The following ATP6V0D1 variants were observed in gnomAD, a reference collection of about 807,000 sequenced individuals.
ATP6V0D1 encodes the protein ATPase H+ transporting V0 subunit d1, also known as V-type proton ATPase subunit d 1.
Under a neutral mutation model 39.0 loss-of-function variants are expected in ATP6V0D1, and 13 were observed. The ratio of observed to expected loss-of-function variants is 0.33; its 90% confidence interval spans 0.22 to 0.53. The LOEUF (loss-of-function observed/expected upper bound fraction) is 0.53. Among genes scored for constraint, ATP6V0D1 ranks in the 20% least tolerant of loss-of-function variants. The pLI, the probability that ATP6V0D1 is intolerant of heterozygous loss-of-function variation, is 0.94. For missense variants in ATP6V0D1, 272 were observed against 470.9 expected (o/e 0.58, Z 3.91); for synonymous variants, 191 against 191.2 (o/e 1.00, Z 0.01).
rs147524322 is a variant in ATP6V0D1, at chr16:67,446,811, G to A, written c.303-2105C>T. On this transcript the variant is annotated intron_variant, in intron 2 of 7. Coordinates refer to ENST00000290949, the MANE Select transcript of ATP6V0D1 (RefSeq NM_004691.5). ...CTTTCTTATGCTCTCCCTCCCTTTC[G>A]GACGGGAAGAGGGAGAAAAAGCACA... Among the ~76,000 whole-genome samples, 19 of 152,050 alleles carry A rather than the reference G, an allele frequency of 1.2e-4. No individual in the cohort carries two copies. In the East Asian group the frequency reaches 1.4e-3, roughly 11 times the overall value.
At chr16:67,474,833 A>G (rs1263108116) in intron 1 of ATP6V0D1, among the ~76,000 whole-genome samples, 4 of 152,064 alleles carry the variant, frequency 2.6e-5, no homozygotes, top group African/African-American at 7.2e-5. Flanking sequence ...TCACTTCTAC[A>G]ACGTGTTCCT....
rs958457850 is a variant in ATP6V0D1, at chr16:67,481,145, C to A, written c.-59G>T. On this transcript the variant is annotated 5_prime_UTR_variant, in exon 1 of 8. Transcript: ENST00000290949. ...GGACCGGCCGGCACGAATCGCGACT[C>A]CCCAGGTCAGCTGACGCTGCGTCCT... is the stretch of plus-strand genomic sequence containing the variant. 75 of 1,605,664 alleles carry A rather than the reference C, an allele frequency of 4.7e-5. 1 individual carries two copies. The Admixed American group carries it at 8.2e-4, about 18-fold the overall frequency.
At chr16:67,477,008 G>T (rs372067469) in intron 1 of ATP6V0D1, among the ~76,000 whole-genome samples, 2 of 130,958 alleles carry the variant, frequency 1.5e-5, no homozygotes, top group South Asian at 2.5e-4. Flanking sequence ...GTGACAGAGT[G>T]AGACTCTGTC....
chr16:67,472,926 T>C (rs1318079726), intron 1 of ATP6V0D1, among the ~76,000 whole-genome samples: 8 of 152,098 alleles, frequency 5.3e-5, no homozygotes, highest in Admixed American at 5.2e-4. Context: ...AAACAAGACA[T>C]TTCCTACACA....
intron 1 of ATP6V0D1, among the ~76,000 whole-genome samples, chr16:67,477,051 A>G (rs1335596953): frequency 6.9e-6 from 1 of 145,464 alleles, no homozygotes; most frequent in Non-Finnish European, 1.5e-5. Context: ...AAAAAGAAGT[A>G]CAAACATCAC....
intron 1 of ATP6V0D1, among the ~76,000 whole-genome samples, chr16:67,466,073 C>T (rs1417487013): frequency 6.6e-6 from 1 of 152,164 alleles, no homozygotes; most frequent in Admixed American, 6.5e-5. Flanking sequence ...CCCTTCAACA[C>T]ATCCCTCCAA....
At chr16:67,452,789 C>T (rs990495158) in intron 2 of ATP6V0D1, among the ~76,000 whole-genome samples, 4 of 152,088 alleles carry the variant, frequency 2.6e-5, no homozygotes, top group Admixed American at 6.5e-5. Flanking sequence ...GTGCCCTCCC[C>T]GTGCAGTCCA....
intron 1 of ATP6V0D1, chr16:67,454,567 GT>G (rs911221544): frequency 2.1e-4 from 31 of 146,006 alleles, no homozygotes; most frequent in Non-Finnish European, 2.4e-4. Context: ...TTGTTTGTTT[GT>G]TTTTTTTTTT....
chr16:67,452,188 G>A, intron 2 of ATP6V0D1: 2 of 1,527,350 alleles, frequency 1.3e-6, no homozygotes, highest in Non-Finnish European at 1.8e-6. Flanking sequence ...AGCACCACAA[G>A]AGACACCCCA....
chr16:67,453,730 T>C lies in ATP6V0D1; in HGVS notation c.131-15A>G. The C allele has an allele frequency of 6.2e-7, 1 of 1,612,900 alleles. No homozygotes were observed. The highest frequency in any genetic ancestry group is 1.3e-5 in the African/African-American group (1 of 74,952). Reference sequence around the variant, plus strand: ...CAGTTTCAAGTCTGAAACCCAAGGGTAGGGGGTAAGGGCTAGCCTTGCTGG... The same window carrying C: ...CAGTTTCAAGTCTGAAACCCAAGGGCAGGGGGTAAGGGCTAGCCTTGCTGG... On this transcript the variant is annotated splice_polypyrimidine_tract_variant and intron_variant, in intron 1 of 7. Coordinates refer to ENST00000290949, the MANE Select transcript of ATP6V0D1 (RefSeq NM_004691.5). The surrounding 1 kb of genome is among the most constrained non-coding windows in gnomAD (Gnocchi z 4.1).
In ATP6V0D1 at chr16:67,444,839, A is replaced by C; in HGVS notation, c.303-133T>G. 1 of 803,116 alleles carries C rather than the reference A, an allele frequency of 1.2e-6. No homozygotes were observed. The highest frequency in any genetic ancestry group is 1.8e-5 in the African/African-American group (1 of 57,090). 49.7% of individuals were successfully genotyped at this position (803,116 alleles called of 1,614,324 possible). A position where few individuals can be genotyped will look rare whatever the true frequency, so the allele number is the denominator to read the frequency against. On this transcript the variant is annotated intron_variant, in intron 2 of 7. Transcript: ENST00000290949. This position sits in a 1 kb window ranked among gnomAD's most constrained non-coding sequence, Gnocchi z 4.8. ...GTATGCTGACTCATGGGTGCTGCGG[A>C]TAAGCACCAGTGTCTCCTCTCCCTC...
At position 67,447,216 on chromosome 16, in the gene ATP6V0D1, C is replaced by G. The variant is rs1012980573; in HGVS notation, c.303-2510G>C. 1.3e-5 allele frequency among the ~76,000 whole-genome samples: 2 copies of G among 152,244 alleles called. No individual in the cohort carries two copies. The highest frequency in any genetic ancestry group is 4.8e-5 in the African/African-American group (2 of 41,470). ...CTCTTCAAACCCAAGCCAGGCCAAT[C>G]GTGGGCGATCCTGTGCCAGGCCCAG... is the stretch of plus-strand genomic sequence containing the variant. On this transcript the variant is annotated intron_variant, in intron 2 of 7. Coordinates refer to ENST00000290949, the MANE Select transcript of ATP6V0D1 (RefSeq NM_004691.5). This position sits in a 1 kb window ranked among gnomAD's most constrained non-coding sequence, Gnocchi z 4.1.
intron 1 of ATP6V0D1, chr16:67,457,113 G>GA (rs375786541): frequency 1.3e-5 from 2 of 154,870 alleles, no homozygotes; most frequent in South Asian, 2.0e-4. Context: ...GGCCAGGGGG[G>GA]AGTCCCCTCA....
chr16:67,459,414 G>A (rs1215129339), intron 1 of ATP6V0D1, among the ~76,000 whole-genome samples: 1 of 152,196 alleles, frequency 6.6e-6, no homozygotes, highest in Non-Finnish European at 1.5e-5. Flanking sequence ...TGGGAAGGCT[G>A]CAGCCCAAGA....
At chr16:67,477,672 A>T (rs1389095615) in intron 1 of ATP6V0D1, among the ~76,000 whole-genome samples, 1 of 149,196 alleles carries the variant, frequency 6.7e-6, no homozygotes, top group Non-Finnish European at 1.5e-5. Flanking sequence ...TCCATAATAA[A>T]CAGTTTTTTT....
intron 2 of ATP6V0D1, among the ~76,000 whole-genome samples, chr16:67,450,567 G>A (rs1002175874): frequency 1.3e-5 from 2 of 152,112 alleles, no homozygotes; most frequent in Non-Finnish European, 2.9e-5. Context: ...CCGCAGAGTG[G>A]TCACGCCTGG....
At chr16:67,465,259 A>T (rs1438168615) in intron 1 of ATP6V0D1, among the ~76,000 whole-genome samples, 6 of 152,178 alleles carry the variant, frequency 3.9e-5, no homozygotes. Context: ...GACCGTGTGG[A>T]CCTGCAGTGC....
chr16:67,445,415 A>G (rs187625311), intron 2 of ATP6V0D1, among the ~76,000 whole-genome samples: 1 of 152,298 alleles, frequency 6.6e-6, no homozygotes, highest in African/African-American at 2.4e-5. Flanking sequence ...GGAAAGGCTG[A>G]GGAGTGGAGT....
intron 2 of ATP6V0D1, chr16:67,452,455 G>T: frequency 1.3e-6 from 2 of 1,494,862 alleles, no homozygotes; most frequent in Non-Finnish European, 1.8e-6. Flanking sequence ...AGGCCAGGCA[G>T]CAGGCATCTA....
Sources: gnomAD v4.1 joint callset for allele counts (sites outside exome capture counted in the v4.1 genomes callset) on GRCh38, gnomAD v4.1.1 for gene constraint, Gnocchi (gnomAD v3.1) non-coding constraint, MANE v1.5 for transcripts, NCBI Gene and HGNC (gene_info 2026-07-23, HGNC 2026-07-21) for gene names.